The following PHLPP2 variants were observed in gnomAD, a reference collection of about 807,000 sequenced individuals.
PHLPP2 encodes the protein PH domain leucine-rich repeat-containing protein phosphatase 2.
PHLPP2 carries 66 observed loss-of-function variants against 124.9 expected under a neutral mutation model. That is an observed-to-expected ratio of 0.53 (90% CI 0.43 to 0.65). The LOEUF is 0.65. PHLPP2 is among the 30% of genes least tolerant of loss of function. The pLI is 0.00. For synonymous variants in PHLPP2, 681 were observed against 624.7 expected (o/e 1.09, Z -1.34); for missense variants, 1,685 against 1,600.4 (o/e 1.05, Z -0.90).
chr16:71,691,858 G>A (rs767799035), intron 3 of PHLPP2, among the ~76,000 whole-genome samples: 15 of 151,940 alleles, frequency 9.9e-5, no homozygotes, highest in Non-Finnish European at 1.8e-4. Flanking sequence ...GTACTCAGGA[G>A]GCTGAGGCAG....
chr16:71,675,216 C>G (rs1033870556), intron 9 of PHLPP2, among the ~76,000 whole-genome samples: 3 of 152,156 alleles, frequency 2.0e-5, no homozygotes, highest in African/African-American at 7.2e-5. Flanking sequence ...GATGCTTCTC[C>G]TCGCCTCTGG....
intron 5 of PHLPP2, among the ~76,000 whole-genome samples, chr16:71,682,483 G>A (rs757693390): frequency 1.3e-5 from 2 of 151,958 alleles, no homozygotes; most frequent in African/African-American, 2.4e-5. Flanking sequence ...GCACCCGGTC[G>A]CAAGAAGTTA....
At position 71,648,826 on chromosome 16, in the gene PHLPP2, G is replaced by A; in HGVS notation, c.*64C>T. 1 of 1,116,808 alleles carries A rather than the reference G, an allele frequency of 9.0e-7. No individual in the cohort carries two copies. Among genetic ancestry groups the A allele is most frequent in the Non-Finnish European group, 1.3e-6 (1 of 763,576 alleles). 69.2% of individuals were successfully genotyped at this position (1,116,808 alleles called of 1,614,324 possible). A position where few individuals can be genotyped will look rare whatever the true frequency, so the allele number is the denominator to read the frequency against. On this transcript the variant is annotated 3_prime_UTR_variant, in exon 19 of 19. Transcript: ENST00000568954. ...ACAAAAAGAAATGTAGAGGCAGAATGCCTCTAGCAAGTCCCTACCCCAACC... is the reference window on the plus strand; with the variant it reads ...ACAAAAAGAAATGTAGAGGCAGAATACCTCTAGCAAGTCCCTACCCCAACC...
rs1567611995 is a variant in PHLPP2, at chr16:71,654,222, A to AAAAAAAC, written c.2585+1011_2585+1017dup. Among the ~76,000 whole-genome samples the AAAAAAAC allele has an allele frequency of 3.2e-4, 48 of 150,008 alleles. 2 individuals are homozygous for AAAAAAAC. The highest frequency in any genetic ancestry group is 5.3e-4 in the Non-Finnish European group (36 of 67,382). On this transcript the variant is annotated intron_variant, in intron 17 of 18. Coordinates refer to ENST00000568954, the MANE Select transcript of PHLPP2 (RefSeq NM_015020.3). ...CAAAAAAGAAAAAAAAAAAAAAAAA[A>AAAAAAAC]AAAAAACTAGTTCAAGCTCCAAGCT...
In PHLPP2 at chr16:71,714,781, C is replaced by T; in HGVS notation, c.15G>A (p.Gly5=). 2 of 1,612,030 alleles carry T rather than the reference C, an allele frequency of 1.2e-6. No individual in the cohort carries two copies. The highest frequency in any genetic ancestry group is 2.2e-5 in the South Asian group (2 of 90,760). The change falls in exon 2 of 19, where the codon GGG becomes GGA. Residue 5 remains glycine, a synonymous_variant. Coordinates refer to ENST00000568954, the MANE Select transcript of PHLPP2 (RefSeq NM_015020.3). Reference sequence around the variant, plus strand: ...TTCTCCTATTCAAACAATTTCTGCTCCCATTGCGTTTCATATTTCTCTAAA... The same window carrying T: ...TTCTCCTATTCAAACAATTTCTGCTTCCATTGCGTTTCATATTTCTCTAAA... MKRN[G]SRNCLNRRSR...
At chr16:71,672,869 T>A (rs1212040445) in intron 9 of PHLPP2, among the ~76,000 whole-genome samples, 1 of 152,256 alleles carries the variant, frequency 6.6e-6, no homozygotes, top group Non-Finnish European at 1.5e-5. Context: ...GCATGCGGTA[T>A]GTATAATTAC....
intron 13 of PHLPP2, among the ~76,000 whole-genome samples, chr16:71,663,519 T>C (rs1191023203): frequency 6.6e-6 from 1 of 152,256 alleles, no homozygotes; most frequent in East Asian, 1.9e-4. Context: ...TTCACAATAC[T>C]TGACATATAG....
intron 1 of PHLPP2, among the ~76,000 whole-genome samples, chr16:71,719,423 C>T (rs954221318): frequency 6.6e-6 from 1 of 152,118 alleles, no homozygotes; most frequent in Non-Finnish European, 1.5e-5. Flanking sequence ...GCCTGTAATC[C>T]CAGCTACCCT....
At chr16:71,712,983 C>T (rs1213296048) in intron 2 of PHLPP2, among the ~76,000 whole-genome samples, 1 of 152,150 alleles carries the variant, frequency 6.6e-6, no homozygotes, top group Non-Finnish European at 1.5e-5. Context: ...AAAGAACTAA[C>T]AGCGATTTTC....
At chr16:71,703,443 C>T (rs1345457796) in intron 2 of PHLPP2, among the ~76,000 whole-genome samples, 1 of 152,062 alleles carries the variant, frequency 6.6e-6, no homozygotes, top group Non-Finnish European at 1.5e-5. Context: ...CCTGCAATCA[C>T]TTGTGGCCTC....
intron 2 of PHLPP2, among the ~76,000 whole-genome samples, chr16:71,708,317 T>C (rs1422511654): frequency 6.6e-6 from 1 of 152,118 alleles, no homozygotes; most frequent in African/African-American, 2.4e-5. Flanking sequence ...CTGATGACAT[T>C]ACCTTGTGAA....
intron 13 of PHLPP2, among the ~76,000 whole-genome samples, chr16:71,659,970 CATAA>C (rs966954354): frequency 6.6e-6 from 1 of 151,776 alleles, no homozygotes; most frequent in Non-Finnish European, 1.5e-5. Context: ...TATAACATAT[CATAA>C]ATAATTTCTA....
At chr16:71,664,513 C>T (rs2044821613) in intron 12 of PHLPP2, among the ~76,000 whole-genome samples, 1 of 152,162 alleles carries the variant, frequency 6.6e-6, no homozygotes, top group African/African-American at 2.4e-5. Context: ...CTTTGGGAGG[C>T]TGAGGTGGGC....
chr16:71,670,597 G>C (rs1233898174), intron 10 of PHLPP2, among the ~76,000 whole-genome samples: 1 of 148,530 alleles, frequency 6.7e-6, no homozygotes, highest in African/African-American at 2.4e-5. Flanking sequence ...GGGAAGAAAG[G>C]AATTAAGAAA....
At chr16:71,676,916 T>C in intron 8 of PHLPP2, 1 of 387,838 alleles carries the variant, frequency 2.6e-6, no homozygotes, top group Non-Finnish European at 4.8e-6. Flanking sequence ...CCAGGCTAAT[T>C]TTTTGTATTT....
Position 71,652,957 on chromosome 16 carries a change from T to C in PHLPP2, c.2650A>G (p.Thr884Ala). ...CTAAAGCTACTTGCTGGATCGGCAG[T>C]GTCAGGGCGGATGTAGCACAGGAGA... ...SALLCYIRPD[T>A]ADPASSFSLT... The change falls in exon 18 of 19, where the codon ACT becomes GCT. Residue 884 changes from threonine (T) to alanine (A), a missense_variant. Transcript: ENST00000568954. 17 of 1,613,972 alleles carry C rather than the reference T, an allele frequency of 1.1e-5. No individual in the cohort carries two copies. Among genetic ancestry groups the C allele is most frequent in the Non-Finnish European group, 1.4e-5 (16 of 1,180,014 alleles).
chr16:71,712,795 G>C lies in PHLPP2; in HGVS notation c.284+1717C>G, dbSNP rs2045332331. 3.3e-5 allele frequency among the ~76,000 whole-genome samples: 5 copies of C among 152,154 alleles called. No individual in the cohort carries two copies. The South Asian group carries it at 1.0e-3, about 32-fold the overall frequency. ...GACATCAAATTTTAGCTCAGCTAAA[G>C]GTGTTACTATTATTACCACACTTTT... On this transcript the variant is annotated intron_variant, in intron 2 of 18. Transcript: ENST00000568954.
intron 15 of PHLPP2, 67 bp downstream of exon 15, chr16:71,658,166 A>G: frequency 7.2e-7 from 1 of 1,397,358 alleles, no homozygotes; most frequent in Non-Finnish European, 1.0e-6. Context: ...CCACAGTACT[A>G]AGGAAGACCT....
At chr16:71,656,472 A>C in intron 16 of PHLPP2, 99 bp downstream of exon 16, 1 of 704,348 alleles carries the variant, frequency 1.4e-6, no homozygotes, top group East Asian at 2.6e-5. Context: ...TCTGTGTACA[A>C]CAGAACAACA....
Sources: allele counts gnomAD v4.1 joint callset (sites outside exome capture counted in the v4.1 genomes callset), GRCh38; gene constraint gnomAD v4.1.1; transcripts MANE v1.5; gene names NCBI Gene and HGNC (gene_info 2026-07-23, HGNC 2026-07-21).